Variants in CNMD observed in about 807,000 individuals in gnomAD.
CNMD encodes the protein chondromodulin, also known as leukocyte cell-derived chemotaxin 1.
Under a neutral mutation model 37.5 loss-of-function variants are expected in CNMD, and 30 were observed. The observed-to-expected ratio is 0.80, with a 90% CI of 0.60 to 1.09. CNMD has a LOEUF of 1.09. CNMD is among the 50% of genes least tolerant of loss of function. The pLI, the probability that CNMD is intolerant of heterozygous loss-of-function variation, is 0.00. For synonymous variants in CNMD, 167 were observed against 148.2 expected, an observed-to-expected ratio of 1.13 and a Z score of -0.92; for missense variants, 398 against 423.9, an observed-to-expected ratio of 0.94 and a Z score of 0.54.
intron 4 of CNMD, among the ~76,000 whole-genome samples, chr13:52,722,016 A>G (rs1030018601): frequency 7.9e-5 from 12 of 152,134 alleles, no homozygotes; most frequent in African/African-American, 2.7e-4. Flanking sequence ...TGGTAATGCA[A>G]TAAGAGAAGT....
At chr13:52,718,152 G>C (rs560606692) in intron 4 of CNMD, among the ~76,000 whole-genome samples, 7 of 152,180 alleles carry the variant, frequency 4.6e-5, no homozygotes, top group Non-Finnish European at 7.3e-5. Flanking sequence ...AGCATTATCT[G>C]ACGGTAGTTT....
At position 52,735,682 on chromosome 13, in the gene CNMD, T is replaced by TA. The variant is rs138863152; in HGVS notation, c.214-2324dup. On this transcript the variant is annotated intron_variant, in intron 2 of 6. Coordinates refer to ENST00000377962, the MANE Select transcript of CNMD (RefSeq NM_007015.3). ...AGCTGATGAATTTTTAAAAAAAATC[T>TA]AAAAAAAAAAAAAAATCTCATAATG... Among the ~76,000 whole-genome samples the TA allele has an allele frequency of 5.8e-3, 832 of 142,734 alleles. 7 individuals are homozygous for TA. The highest frequency in any genetic ancestry group is 0.018 in the African/African-American group (671 of 38,296). The allele number at this position is 142,734 out of a possible 152,430, so 93.6% of individuals were successfully genotyped here.
rs557832793 is a variant in CNMD at position 52,720,903 on chromosome 13, A to G, written c.468+3094T>C. Among the ~76,000 whole-genome samples the G allele has an allele frequency of 2.6e-5, 4 of 152,302 alleles. No homozygotes were observed. In the South Asian group the frequency reaches 8.3e-4, roughly 32 times the overall value. On this transcript the variant is annotated intron_variant, in intron 4 of 6. Coordinates refer to ENST00000377962, the MANE Select transcript of CNMD (RefSeq NM_007015.3). ...TTAAGTCTGCTGAAGCTGTGCTCAC[A>G]GCCGCCCCTTCCCCCAGGTGCTCTG...
chr13:52,709,722 C>T (rs1170036163), intron 5 of CNMD, among the ~76,000 whole-genome samples: 2 of 152,194 alleles, frequency 1.3e-5, no homozygotes, highest in Non-Finnish European at 2.9e-5. Flanking sequence ...CCTGTAATCC[C>T]AGCAGTTTGG....
chr13:52,739,088 C>A lies in CNMD; in HGVS notation c.156G>T (p.Val52=), dbSNP rs1036756586. Residue 52 remains valine (V), a synonymous_variant, in exon 2 of 7, where the codon GTG becomes GTT. Transcript: ENST00000377962. This position sits in a 1 kb window ranked among gnomAD's most constrained non-coding sequence, Gnocchi z 5.4. ...VGAVVLISGA[V]LLLFGAIGAF... ...CCCCGATGGCCCCAAAGAGCAGCAGCACAGCTCCCGAAATGAGGACCACGG... is the reference window on the plus strand; with the variant it reads ...CCCCGATGGCCCCAAAGAGCAGCAGAACAGCTCCCGAAATGAGGACCACGG... 1.3e-6 allele frequency: 2 copies of A among 1,580,738 alleles called. No homozygotes were observed. The highest frequency in any genetic ancestry group is 1.7e-6 in the Non-Finnish European group (2 of 1,166,986).
chr13:52,721,339 CT>C (rs1199352732), intron 4 of CNMD, among the ~76,000 whole-genome samples: 7 of 152,210 alleles, frequency 4.6e-5, no homozygotes, highest in Admixed American at 1.3e-4. Context: ...CCTGGCCCCA[CT>C]GGGGTATGAA....
rs1459883346 is a variant in CNMD, at chr13:52,724,111, C to T, written c.355-1G>A. On this transcript the variant is annotated splice_acceptor_variant, in intron 3 of 6. Transcript: ENST00000377962. LOFTEE classifies it high-confidence loss of function. ...CAGCAAAACGAATTCCTGTGATGCC[C>T]TATGAAACAAAAGTGTATCCATCTA... 3 of 1,603,082 alleles carry T rather than the reference C, an allele frequency of 1.9e-6. No individual in the cohort carries two copies. Among genetic ancestry groups the T allele is most frequent in the South Asian group, 2.2e-5 (2 of 90,840 alleles).
chr13:52,711,655 T>G (rs1964291497), intron 5 of CNMD, among the ~76,000 whole-genome samples: 1 of 152,168 alleles, frequency 6.6e-6, no homozygotes, highest in Admixed American at 6.5e-5. Context: ...TAAGAATAAG[T>G]TAGTCGTGGC....
intron 6 of CNMD, among the ~76,000 whole-genome samples, chr13:52,706,733 GTGTGTA>G (rs66843145): frequency 0.24 from 7,274 of 30,654 alleles, 219 homozygotes; most frequent in Non-Finnish European, 0.31. Flanking sequence ...AAGTGTGTGT[GTGTGTA>G]TGTGTGTGTG....
At chr13:52,735,352 A>G (rs1473889144) in intron 2 of CNMD, among the ~76,000 whole-genome samples, 1 of 129,608 alleles carries the variant, frequency 7.7e-6, no homozygotes, top group Non-Finnish European at 1.7e-5. Context: ...TTCCACTCAT[A>G]TGACAAGAGG....
chr13:52,739,502 C>T lies in CNMD; in HGVS notation c.72+128G>A. On this transcript the variant is annotated intron_variant, in intron 1 of 6. Coordinates refer to ENST00000377962, the MANE Select transcript of CNMD (RefSeq NM_007015.3). The surrounding 1 kb of genome is among the most constrained non-coding windows in gnomAD (Gnocchi z 5.4). ...CGCGTGGGGCGACATCCCACCCACA[C>T]ATTTGGGACCCAAATTTATCCCCCC... 1.2e-6 allele frequency: 1 copy of T among 864,982 alleles called. No individual in the cohort carries two copies. The highest frequency in any genetic ancestry group is 1.9e-6 in the Non-Finnish European group (1 of 528,436). The allele number at this position is 864,982 out of a possible 1,614,324, so 53.6% of individuals were successfully genotyped here. A position where few individuals can be genotyped will look rare whatever the true frequency, so the allele number is the denominator to read the frequency against.
intron 4 of CNMD, among the ~76,000 whole-genome samples, chr13:52,722,349 G>A (rs569938663): frequency 2.1e-4 from 32 of 152,298 alleles, no homozygotes; most frequent in African/African-American, 7.2e-4. Context: ...GTTTCCAGGC[G>A]CCTTTGCTAA....
At chr13:52,735,986 C>G (rs1347887171) in intron 2 of CNMD, among the ~76,000 whole-genome samples, 1 of 150,896 alleles carries the variant, frequency 6.6e-6, no homozygotes, top group Non-Finnish European at 1.5e-5. Context: ...TGCGCCACCA[C>G]GCCCAGCTAA....
chr13:52,724,548 G>A lies in CNMD; in HGVS notation c.355-438C>T, dbSNP rs34757220. ...GGAGCTTGCAGTGAGCCAAGATTGC[G>A]CCACTGCACTCCACAGCCTGGGCAA... On this transcript the variant is annotated intron_variant, in intron 3 of 6. Transcript: ENST00000377962. Among the ~76,000 whole-genome samples, 775 of 150,524 alleles carry A rather than the reference G, an allele frequency of 5.1e-3. 2 individuals are homozygous for A. The highest frequency in any genetic ancestry group is 8.6e-3 in the Non-Finnish European group (582 of 67,708).
At chr13:52,709,076 A>G (rs376872639) in intron 5 of CNMD, among the ~76,000 whole-genome samples, 59 of 152,246 alleles carry the variant, frequency 3.9e-4, no homozygotes, top group African/African-American at 1.4e-3. Context: ...GACATATCTG[A>G]CCAGGGAGAC....
intron 4 of CNMD, among the ~76,000 whole-genome samples, chr13:52,718,210 G>T (rs974304672): frequency 6.6e-6 from 1 of 151,970 alleles, no homozygotes; most frequent in Non-Finnish European, 1.5e-5. Flanking sequence ...ATTTTTTATT[G>T]TGTCATTTGA....
rs781495712 is a variant in CNMD, at chr13:52,712,852, T to A, written c.486A>T (p.Pro162=). Residue 162 remains proline (P), a synonymous_variant, in exon 5 of 7, where the codon CCA becomes CCT. Coordinates refer to ENST00000377962, the MANE Select transcript of CNMD (RefSeq NM_007015.3). ...TAAGAGAATTTTCTTCATATTTGAC[T>A]GGCATGATCTTGCCTTCCTGAAAGT... is the stretch of plus-strand genomic sequence containing the variant. ...ISSKLEGKIM[P]VKYEENSLIW... 1.3e-6 allele frequency: 2 copies of A among 1,569,946 alleles called. No homozygotes were observed. The highest frequency in any genetic ancestry group is 1.2e-5 in the South Asian group (1 of 80,664).
chr13:52,709,191 G>A (rs573550200), intron 5 of CNMD, among the ~76,000 whole-genome samples: 1 of 152,314 alleles, frequency 6.6e-6, no homozygotes, highest in East Asian at 1.9e-4. Flanking sequence ...GAACACAGAT[G>A]TGATATCTGG....
intron 3 of CNMD, among the ~76,000 whole-genome samples, chr13:52,729,848 C>T (rs1964633279): frequency 6.6e-6 from 1 of 151,626 alleles, no homozygotes; most frequent in Non-Finnish European, 1.5e-5. Flanking sequence ...TATTATTATA[C>T]TTTAAGTTTT....
Sources: gnomAD v4.1 joint callset for allele counts (sites outside exome capture counted in the v4.1 genomes callset) on GRCh38, gnomAD v4.1.1 for gene constraint, Gnocchi (gnomAD v3.1) non-coding constraint, MANE v1.5 for transcripts, NCBI Gene and HGNC (gene_info 2026-07-23, HGNC 2026-07-21) for gene names.